The following SIGLEC14 variants were observed in gnomAD, a reference collection of about 807,000 sequenced individuals.
SIGLEC14 encodes sialic acid binding Ig like lectin 14.
In SIGLEC14, 11 loss-of-function variants were observed where a neutral mutation model predicts 34.2. That is an observed-to-expected ratio of 0.32 (90% CI 0.20 to 0.53). The LOEUF is 0.53. Among genes scored for constraint, SIGLEC14 ranks in the 20% least tolerant of loss-of-function variants. SIGLEC14 has a pLI of 0.95. For missense variants in SIGLEC14, 264 were observed against 439.0 expected (o/e 0.60, Z 3.56); for synonymous variants, 99 against 179.7 (o/e 0.55, Z 3.59).
rs763998068 is a variant in SIGLEC14, at chr19:51,643,881, GGGTCCCAGAC to G, written c.900_909del (p.Met300IlefsTer7). On this transcript the variant is annotated frameshift_variant, in exon 5 of 7. Transcript: ENST00000360844. LOFTEE classifies it high-confidence loss of function. ...CTAGCTCCTATGTTAGGCAGCTCCAGGGTCCCAGACATTGAGGTCTGGGAAGGATTGAGGG... is the reference window on the plus strand; with the variant it reads ...CTAGCTCCTATGTTAGGCAGCTCCAGATTGAGGTCTGGGAAGGATTGAGGG... 6.5e-7 allele frequency: 1 copy of G among 1,533,948 alleles called. No individual in the cohort carries two copies. The highest frequency in any genetic ancestry group is 1.2e-5 in the South Asian group (1 of 83,274).
At position 51,641,455 on chromosome 19, in the gene SIGLEC14, G is replaced by A. The variant is rs898099043; in HGVS notation, c.*1900C>T. Among the ~76,000 whole-genome samples, 2 of 139,036 alleles carry A rather than the reference G, an allele frequency of 1.4e-5. No individual in the cohort carries two copies. The highest frequency in any genetic ancestry group is 5.5e-5 in the African/African-American group (2 of 36,616). The allele number at this position is 139,036 out of a possible 152,430, so 91.2% of individuals were successfully genotyped here. On this transcript the variant is annotated 3_prime_UTR_variant, in exon 7 of 7. Coordinates refer to ENST00000360844, the MANE Select transcript of SIGLEC14 (RefSeq NM_001098612.3). ...CCCATTCCTAGGCATATACCCAAAGGAATATAAATCATTCTATTACAAAGA... is the reference window on the plus strand; with the variant it reads ...CCCATTCCTAGGCATATACCCAAAGAAATATAAATCATTCTATTACAAAGA...
At position 51,645,510 on chromosome 19, in the gene SIGLEC14, T is replaced by C; in HGVS notation, c.721A>G (p.Ile241Val). Residue 241 changes from isoleucine (I) to valine (V), a missense_variant, in exon 4 of 7, where the codon ATC becomes GTC. Ile to Val is a conservative substitution (Grantham distance 29). This residue lies in a region of SIGLEC14 where 45 missense variants were observed against 96.7 expected (regional missense o/e 0.47). Transcript: ENST00000360844. ...NVSYAPQNLA[I>V]SIFFRNGTGT... ...GTGCCATTTCTGAAGAAGATGCTGA[T>C]GGCGAGGTTCTGTGGAGCATCTGGG... 2 of 1,532,332 alleles carry C rather than the reference T, an allele frequency of 1.3e-6. No individual in the cohort carries two copies. The highest frequency in any genetic ancestry group is 1.5e-5 in the African/African-American group (1 of 67,134). 94.9% of individuals were successfully genotyped at this position (1,532,332 alleles called of 1,614,324 possible). A position where few individuals can be genotyped will look rare whatever the true frequency, so the allele number is the denominator to read the frequency against.
intron 3 of SIGLEC14, 40 bp downstream of exon 3, chr19:51,645,742 C>T (rs1451532506): frequency 6.7e-7 from 1 of 1,499,798 alleles, no homozygotes; most frequent in African/African-American, 1.6e-5. Context: ...CTCACTCCCA[C>T]TGCCCTTGGG....
At chr19:51,645,605 AG>A in intron 3 of SIGLEC14, 75 bp from the exon 4 acceptor site, 1 of 1,470,468 alleles carries the variant, frequency 6.8e-7, no homozygotes, top group Non-Finnish European at 9.2e-7. Context: ...GGACCCAAGG[AG>A]GGGCCACAGA....
In SIGLEC14 at chr19:51,645,860, C is replaced by A; in HGVS notation, c.622G>T (p.Gly208Cys). ...TTCACCTGACAGGTGAGGTTGGTGC[C>A]ATGGTCCTCGGGCCTGGGGGTGAGG... ...LTLTPRPEDH[G>C]TNLTCQVKRQ... Residue 208 changes from glycine (G) to cysteine (C), a missense_variant, in exon 3 of 7, where the codon GGC (glycine) becomes TGC (cysteine). By Grantham distance (159) the Gly-to-Cys change is radical. This residue lies in a region of SIGLEC14 where 45 missense variants were observed against 96.7 expected (regional missense o/e 0.47). Transcript: ENST00000360844. 1 of 1,528,302 alleles carries A rather than the reference C, an allele frequency of 6.5e-7. No individual in the cohort carries two copies. The highest frequency in any genetic ancestry group is 8.8e-7 in the Non-Finnish European group (1 of 1,139,974). 94.7% of individuals were successfully genotyped at this position (1,528,302 alleles called of 1,614,324 possible).
At chr19:51,644,359 T>C (rs1447267732) in intron 4 of SIGLEC14, among the ~76,000 whole-genome samples, 1 of 136,518 alleles carries the variant, frequency 7.3e-6, no homozygotes, top group African/African-American at 2.8e-5. Context: ...GACCCAGAGC[T>C]CCCAAGACAC....
At chr19:51,644,687 C>T (rs1418963962) in intron 4 of SIGLEC14, among the ~76,000 whole-genome samples, 1 of 137,586 alleles carries the variant, frequency 7.3e-6, no homozygotes, top group East Asian at 3.4e-4. Flanking sequence ...ACTCATGAAA[C>T]AGCTGATGAG....
chr19:51,643,313 G>T lies in SIGLEC14; in HGVS notation c.*42C>A, dbSNP rs746471525. On this transcript the variant is annotated 3_prime_UTR_variant, in exon 7 of 7. Coordinates refer to ENST00000360844, the MANE Select transcript of SIGLEC14 (RefSeq NM_001098612.3). ...TGATGTCCTGCATGTGTCCCACAGG[G>T]CTAAGTGTCCACACCTCAGTTCTGT... The T allele has an allele frequency of 4.7e-6, 7 of 1,493,560 alleles. 2 individuals carry two copies. The South Asian group carries it at 8.5e-5, about 18-fold the overall frequency. The allele number at this position is 1,493,560 out of a possible 1,614,324, so 92.5% of individuals were successfully genotyped here.
chr19:51,643,290 A>G lies in SIGLEC14; in HGVS notation c.*65T>C. 2 of 1,381,708 alleles carry G rather than the reference A, an allele frequency of 1.4e-6. No homozygotes were observed. Among genetic ancestry groups the G allele is most frequent in the Non-Finnish European group, 2.0e-6 (2 of 1,011,920 alleles). 85.6% of individuals were successfully genotyped at this position (1,381,708 alleles called of 1,614,324 possible). A position where few individuals can be genotyped will look rare whatever the true frequency, so the allele number is the denominator to read the frequency against. On this transcript the variant is annotated 3_prime_UTR_variant, in exon 7 of 7. Coordinates refer to ENST00000360844, the MANE Select transcript of SIGLEC14 (RefSeq NM_001098612.3). ...AGCTTCCAGAAAGAAGCTGACAGTG[A>G]TGTCCTGCATGTGTCCCACAGGGCT... is the stretch of plus-strand genomic sequence containing the variant.
At position 51,641,035 on chromosome 19, in the gene SIGLEC14, G is replaced by T. The variant is rs1983894420; in HGVS notation, c.*2320C>A. 7.2e-6 allele frequency among the ~76,000 whole-genome samples: 1 copy of T among 138,608 alleles called. No individual in the cohort carries two copies. The highest frequency in any genetic ancestry group is 1.5e-5 in the Non-Finnish European group (1 of 64,828). The allele number at this position is 138,608 out of a possible 152,430, so 90.9% of individuals were successfully genotyped here. A position where few individuals can be genotyped will look rare whatever the true frequency, so the allele number is the denominator to read the frequency against. ...AGACATGAGAATTCTTAATATGTAT[G>T]CACCTAACGACAGAGTTTAAAAATA... On this transcript the variant is annotated 3_prime_UTR_variant, in exon 7 of 7. Transcript: ENST00000360844.
rs1983871644 is a variant in SIGLEC14, at chr19:51,639,842, T to C, written c.*3513A>G. The C allele has an allele frequency of 7.2e-6, 1 of 139,180 alleles. No individual in the cohort carries two copies. Among genetic ancestry groups the C allele is most frequent in the Non-Finnish European group, 1.5e-5 (1 of 65,038 alleles). 8.6% of individuals were successfully genotyped at this position (139,180 alleles called of 1,614,324 possible). On this transcript the variant is annotated 3_prime_UTR_variant, in exon 7 of 7. Transcript: ENST00000360844. ...AAAGCATATAGAAAAAAAGCAAATA[T>C]TGCACTCTCTTTGCTACATGCACTT...
chr19:51,644,480 G>C lies in SIGLEC14; in HGVS notation c.755-444C>G, dbSNP rs1415437529. On this transcript the variant is annotated intron_variant, in intron 4 of 6. Transcript: ENST00000360844. ...GGGGGCTATAAGCAAGGGAAACAGA[G>C]TTAGCACTGGATCTAGAAAGATCCT... is the stretch of plus-strand genomic sequence containing the variant. Among the ~76,000 whole-genome samples, 5 of 137,954 alleles carry C rather than the reference G, an allele frequency of 3.6e-5. 2 individuals carry two copies. The highest frequency in any genetic ancestry group is 1.4e-4 in the African/African-American group (5 of 36,050). 90.5% of individuals were successfully genotyped at this position (137,954 alleles called of 152,430 possible).
chr19:51,644,000 A>G lies in SIGLEC14; in HGVS notation c.791T>C (p.Ile264Thr), dbSNP rs747883493. ...RILSNGMSVP[I>T]QEGQSLFLAC... ...GAGGAACAGGGACTGGCCCTCCTGG[A>G]TGGGCACCGACATGCCATTGCTCAG... Residue 264 changes from isoleucine (I) to threonine (T), a missense_variant, in exon 5 of 7, where the codon ATC becomes ACC. Ile to Thr is a moderately conservative substitution (Grantham distance 89, BLOSUM62 -1). Around this residue, in one of 5 missense-constraint regions of SIGLEC14, gnomAD observed 149 missense variants for 184.4 expected, o/e 0.81. Coordinates refer to ENST00000360844, the MANE Select transcript of SIGLEC14 (RefSeq NM_001098612.3). 2 of 1,527,364 alleles carry G rather than the reference A, an allele frequency of 1.3e-6. No homozygotes were observed. The highest frequency in any genetic ancestry group is 1.8e-6 in the Non-Finnish European group (2 of 1,138,140). 94.6% of individuals were successfully genotyped at this position (1,527,364 alleles called of 1,614,324 possible).
At chr19:51,644,540 T>G (rs1299658956) in intron 4 of SIGLEC14, among the ~76,000 whole-genome samples, 1 of 134,580 alleles carries the variant, frequency 7.4e-6, no homozygotes, top group Non-Finnish European at 1.6e-5. Context: ...TGGAGAGAAG[T>G]GGGATAGGAG....
At position 51,644,268 on chromosome 19, in the gene SIGLEC14, G is replaced by C. The variant is rs777082666; in HGVS notation, c.755-232C>G. Reference sequence around the variant, plus strand: ...TTCTCACATTAAGGAGAAGTGGATGGGCAGCTCAGGTGCAGACGTGCCAAG... The same window carrying C: ...TTCTCACATTAAGGAGAAGTGGATGCGCAGCTCAGGTGCAGACGTGCCAAG... On this transcript the variant is annotated intron_variant, in intron 4 of 6. Transcript: ENST00000360844. Among the ~76,000 whole-genome samples the C allele has an allele frequency of 2.1e-4, 29 of 137,604 alleles. 4 individuals are homozygous for C. Among genetic ancestry groups the C allele is most frequent in the Admixed American group, 6.3e-4 (9 of 14,190 alleles). 90.3% of individuals were successfully genotyped at this position (137,604 alleles called of 152,430 possible). A position where few individuals can be genotyped will look rare whatever the true frequency, so the allele number is the denominator to read the frequency against.
intron 4 of SIGLEC14, among the ~76,000 whole-genome samples, chr19:51,644,428 C>T (rs1983987195): frequency 7.3e-6 from 1 of 137,238 alleles, no homozygotes; most frequent in Non-Finnish European, 1.6e-5. Context: ...AGATTGAGGG[C>T]CTTGGGCTTT....
At position 51,641,775 on chromosome 19, in the gene SIGLEC14, A is replaced by G. The variant is rs1983910665; in HGVS notation, c.*1580T>C. Among the ~76,000 whole-genome samples, 1 of 139,090 alleles carries G rather than the reference A, an allele frequency of 7.2e-6. No individual in the cohort carries two copies. The highest frequency in any genetic ancestry group is 2.7e-5 in the African/African-American group (1 of 36,592). The allele number at this position is 139,090 out of a possible 152,430, so 91.2% of individuals were successfully genotyped here. A position where few individuals can be genotyped will look rare whatever the true frequency, so the allele number is the denominator to read the frequency against. ...ATGGATACATAGAGGTGAGCAACAC[A>G]CACTGGGGCCTTTCAAAGGGTGGAA... On this transcript the variant is annotated 3_prime_UTR_variant, in exon 7 of 7. Coordinates refer to ENST00000360844, the MANE Select transcript of SIGLEC14 (RefSeq NM_001098612.3).
chr19:51,645,650 CCA>C (rs2122125340), intron 3 of SIGLEC14, 120 bp from the exon 4 acceptor site: 2 of 1,451,258 alleles, frequency 1.4e-6, no homozygotes, highest in African/African-American at 3.1e-5. Flanking sequence ...TCCTTCCTGC[CCA>C]CACACGAGTT....
intron 4 of SIGLEC14, among the ~76,000 whole-genome samples, chr19:51,644,370 G>A (rs1442363171): frequency 7.3e-6 from 1 of 137,696 alleles, no homozygotes; most frequent in Non-Finnish European, 1.5e-5. Context: ...CCCAAGACAC[G>A]ATAATGGAGG....
Sources: gnomAD v4.1 joint callset for allele counts (sites outside exome capture counted in the v4.1 genomes callset) on GRCh38, gnomAD v4.1.1 for gene constraint, gnomAD v4.1.1 regional missense constraint, MANE v1.5 for transcripts, NCBI Gene and HGNC (gene_info 2026-07-23, HGNC 2026-07-21) for gene names.